USH2A: variants seen among roughly 807,000 people sequenced by gnomAD.
USH2A encodes usherin, also known as Usher syndrome 2A (autosomal recessive, mild).
USH2A carries 443 observed loss-of-function variants against 538.9 expected under a neutral mutation model. That is an observed-to-expected ratio of 0.82 (90% CI 0.76 to 0.89). The LOEUF is 0.89. Among genes scored for constraint, USH2A ranks in the 40% least tolerant of loss-of-function variants. USH2A has a pLI of 0.00. For missense variants in USH2A, 6,633 were observed against 6,324.8 expected (o/e 1.05, Z -1.65); for synonymous variants, 2,413 against 2,273.5 (o/e 1.06, Z -1.75).
At chr1:215,699,452 A>G (rs1368149571) in intron 61 of USH2A, among the ~76,000 whole-genome samples, 1 of 152,204 alleles carries the variant, frequency 6.6e-6, no homozygotes, top group Admixed American at 6.5e-5. Flanking sequence ...ATCCATGAGC[A>G]TGGAATATTT....
chr1:216,250,997 G>A lies in USH2A; in HGVS notation c.2073C>T (p.Cys691=), dbSNP rs376674482. The change falls in exon 12 of 72, where the codon TGC becomes TGT. Residue 691 remains cysteine, a synonymous_variant. Transcript: ENST00000307340. ...CAGAGGTATTGCAGTTACAGGGACT[G>A]CAGCCATCAGGATCCAACTCTTGTA... is the stretch of plus-strand genomic sequence containing the variant. ...YNLQELDPDG[C]SPCNCNTSGT... is the part of the protein sequence containing the mutation. 1 of 1,613,932 alleles carries A rather than the reference G, an allele frequency of 6.2e-7. No homozygotes were observed. The highest frequency in any genetic ancestry group is 8.5e-7 in the Non-Finnish European group (1 of 1,179,998).
chr1:216,023,469 A>ACAAAAAAAAAAAAAAC (rs1299635456), intron 32 of USH2A, among the ~76,000 whole-genome samples: 1 of 148,166 alleles, frequency 6.7e-6, no homozygotes, highest in African/African-American at 2.5e-5. Context: ...CAAAAAAAAA[A>ACAAAAAAAAAAAAAAC]AAAAAAAAAA....
At chr1:215,643,722 G>T (rs1251376732) in intron 67 of USH2A, among the ~76,000 whole-genome samples, 2 of 151,996 alleles carry the variant, frequency 1.3e-5, no homozygotes, top group African/African-American at 4.8e-5. Flanking sequence ...AGAGATAGGT[G>T]TCTTGATATG....
At chr1:216,104,361 C>G (rs1319799123) in intron 21 of USH2A, among the ~76,000 whole-genome samples, 1 of 152,114 alleles carries the variant, frequency 6.6e-6, no homozygotes, top group Non-Finnish European at 1.5e-5. Context: ...ATGATGGTTT[C>G]CAGCTTCATC....
intron 15 of USH2A, among the ~76,000 whole-genome samples, chr1:216,216,133 G>T (rs1299201354): frequency 6.6e-6 from 1 of 152,064 alleles, no homozygotes; most frequent in African/African-American, 2.4e-5. Context: ...GCAATCAATT[G>T]TATTGCTAAT....
chr1:215,665,398 C>T (rs528169353), intron 64 of USH2A, among the ~76,000 whole-genome samples: 9 of 152,154 alleles, frequency 5.9e-5, no homozygotes, highest in South Asian at 2.1e-4. Flanking sequence ...GGGTGCTTAC[C>T]GCAAAAATCT....
At chr1:215,639,381 ACTTC>A in intron 68 of USH2A, 143 bp from the exon 69 acceptor site, 2 of 777,800 alleles carry the variant, frequency 2.6e-6, no homozygotes, top group Non-Finnish European at 4.3e-6. Flanking sequence ...ATTCAAAATT[ACTTC>A]TAATTTTAAA....
intron 13 of USH2A, among the ~76,000 whole-genome samples, chr1:216,235,744 A>G (rs1260077876): frequency 2.6e-5 from 4 of 152,228 alleles, no homozygotes; most frequent in African/African-American, 9.6e-5. Context: ...GAGAGGGAGA[A>G]AGAAAAGAAG....
intron 21 of USH2A, among the ~76,000 whole-genome samples, chr1:216,153,002 C>T (rs1052685862): frequency 2.0e-5 from 3 of 152,150 alleles, no homozygotes; most frequent in African/African-American, 4.8e-5. Context: ...GAGAGGATTT[C>T]GGCTGGGGTT....
At chr1:216,365,124 A>C (rs572908079) in intron 3 of USH2A, 39 bp from the exon 4 acceptor site, 33 of 1,589,496 alleles carry the variant, frequency 2.1e-5, no homozygotes, top group Admixed American at 7.2e-5. Flanking sequence ...TAAGTGCATA[A>C]ACTTTTATTT....
chr1:216,084,583 T>A (rs2032060657), intron 25 of USH2A, 115 bp downstream of exon 25: 5 of 1,084,888 alleles, frequency 4.6e-6, no homozygotes, highest in Non-Finnish European at 6.7e-6. Context: ...TAACTAAGTA[T>A]TTCTGTGATA....
chr1:216,245,407 AT>A (rs1050752013), intron 13 of USH2A, among the ~76,000 whole-genome samples: 14 of 151,178 alleles, frequency 9.3e-5, no homozygotes, highest in African/African-American at 3.4e-4. Context: ...ATTATAAACA[AT>A]TTCAGGGGAC....
chr1:216,011,493 C>G (rs1050086279), intron 32 of USH2A, among the ~76,000 whole-genome samples: 1 of 152,142 alleles, frequency 6.6e-6, no homozygotes, highest in Non-Finnish European at 1.5e-5. Context: ...TCTCCCAAAC[C>G]TCAATCCCTT....
chr1:215,629,734 G>A (rs72739267), intron 70 of USH2A, among the ~76,000 whole-genome samples: 23,488 of 150,690 alleles, frequency 0.16, 2,471 homozygotes, highest in Non-Finnish European at 0.23. Context: ...GATTTAGCTG[G>A]TCCAATCAAT....
intron 55 of USH2A, among the ~76,000 whole-genome samples, chr1:215,778,900 T>C (rs750353793): frequency 7.2e-5 from 11 of 152,248 alleles, no homozygotes; most frequent in Admixed American, 1.3e-4. Flanking sequence ...AGGTTGGTGA[T>C]GGAGAATCAA....
chr1:215,666,111 A>T (rs1239302643), intron 64 of USH2A, among the ~76,000 whole-genome samples: 1 of 152,204 alleles, frequency 6.6e-6, no homozygotes, highest in African/African-American at 2.4e-5. Context: ...AATCCTCCAG[A>T]GTGTTATCCT....
chr1:216,024,029 T>C lies in USH2A; in HGVS notation c.6325+22402A>G, dbSNP rs553190516. On this transcript the variant is annotated intron_variant, in intron 32 of 71. Transcript: ENST00000307340. The stretch of plus-strand genomic sequence containing the variant: ...TCACTTATAAAGGTGGTACTAGCCA[T>C]ATCTGAGTTTGATTAATAACCATAT... 2.6e-5 allele frequency among the ~76,000 whole-genome samples: 4 copies of C among 152,238 alleles called. No homozygotes were observed. The South Asian group carries it at 8.3e-4, about 31-fold the overall frequency.
chr1:215,674,507 T>C lies in USH2A; in HGVS notation c.13404A>G (p.Arg4468=), dbSNP rs146994147. The C allele has an allele frequency of 4.2e-4, 677 of 1,614,192 alleles. 3 individuals carry two copies. The African/African-American group carries it at 8.2e-3, about 19-fold the overall frequency. ...AACTTCTGATCTGGCCATTTGGGTT[T>C]CTTGGAGGTTTCCAGGTGATTTCTA... The part of the protein sequence containing the change: ...ESIEITWKPP[R]NPNGQIRSYE... Residue 4468 remains arginine (R), a synonymous_variant, in exon 63 of 72, where the codon AGA becomes AGG. Coordinates refer to ENST00000307340, the MANE Select transcript of USH2A (RefSeq NM_206933.4).
intron 16 of USH2A, 134 bp from the exon 17 acceptor site, chr1:216,200,255 T>C: frequency 1.0e-6 from 1 of 976,874 alleles, no homozygotes; most frequent in Non-Finnish European, 1.5e-6. Flanking sequence ...AGGATACATT[T>C]CATATTTTTA....
Sources: gnomAD v4.1 joint callset for allele counts (sites outside exome capture counted in the v4.1 genomes callset) on GRCh38, gnomAD v4.1.1 for gene constraint, MANE v1.5 for transcripts, NCBI Gene and HGNC (gene_info 2026-07-23, HGNC 2026-07-21) for gene names.